STYXL1: variants seen among roughly 807,000 people sequenced by gnomAD.
STYXL1 encodes serine/threonine/tyrosine-interacting-like protein 1.
In STYXL1, 32 loss-of-function variants were observed where a neutral mutation model predicts 36.4. That is an observed-to-expected ratio of 0.88 (90% confidence interval 0.66 to 1.18). The LOEUF is 1.18. Ranked by LOEUF, STYXL1 falls within the 50% of genes most tolerant of loss-of-function variation. STYXL1 has a pLI of 0.00. For synonymous variants in STYXL1, 133 were observed against 144.1 expected (o/e 0.92, Z 0.55); for missense variants, 354 against 394.1 (o/e 0.90, Z 0.86).
intron 4 of STYXL1, among the ~76,000 whole-genome samples, chr7:76,017,981 A>G (rs1793609561): frequency 6.6e-6 from 1 of 151,656 alleles, no homozygotes; most frequent in South Asian, 2.1e-4. Flanking sequence ...GACTTTTAGT[A>G]TATTCAGAGT....
chr7:76,005,854 AGG>A lies in STYXL1; in HGVS notation c.454-452_454-451del, dbSNP rs1563467811. Among the ~76,000 whole-genome samples the A allele has an allele frequency of 2.8e-3, 67 of 23,984 alleles. 1 individual carries two copies. The highest frequency in any genetic ancestry group is 6.0e-3 in the Non-Finnish European group (58 of 9,702). 15.7% of individuals were successfully genotyped at this position (23,984 alleles called of 152,430 possible). ...AGAGAGAGGAGGAGGAAGAGAGAGG[AGG>A]AGAGAGGAGGAAGAGAGAGGAGGAG... On this transcript the variant is annotated intron_variant, in intron 5 of 8. Transcript: ENST00000359697.
chr7:76,037,970 T>G lies in STYXL1; in HGVS notation c.-4-7443A>C, dbSNP rs933681625. Among the ~76,000 whole-genome samples the G allele has an allele frequency of 6.0e-5, 9 of 150,242 alleles. No individual in the cohort carries two copies. In the East Asian group the frequency reaches 1.7e-3, roughly 29 times the overall value. Reference sequence around the variant, plus strand: ...ACCTGTAAGCTGAGATAATACACACTGGCAAAGCTATAGGATCATTCAAGA... The same window carrying G: ...ACCTGTAAGCTGAGATAATACACACGGGCAAAGCTATAGGATCATTCAAGA... On this transcript the variant is annotated intron_variant, in intron 1 of 8. Coordinates refer to ENST00000359697, the MANE Select transcript of STYXL1 (RefSeq NM_001317785.2).
intron 7 of STYXL1, among the ~76,000 whole-genome samples, chr7:76,003,496 C>G (rs1175745626): frequency 6.6e-6 from 1 of 152,204 alleles, no homozygotes; most frequent in African/African-American, 2.4e-5. Flanking sequence ...CAGAAGGGCA[C>G]AGCCATCTAG....
chr7:76,027,623 CA>C (rs1794867738), intron 3 of STYXL1, among the ~76,000 whole-genome samples: 1 of 151,214 alleles, frequency 6.6e-6, no homozygotes, highest in African/African-American at 2.4e-5. Context: ...TAAAAATTTA[CA>C]ACATAAAGCT....
chr7:76,039,867 A>C (rs1796313895), intron 1 of STYXL1, among the ~76,000 whole-genome samples: 1 of 151,942 alleles, frequency 6.6e-6, no homozygotes, highest in Admixed American at 6.6e-5. Context: ...GCTTAGTCTC[A>C]AACTCCCGAC....
chr7:76,031,228 G>A (rs1554579210), intron 1 of STYXL1, among the ~76,000 whole-genome samples: 2 of 144,138 alleles, frequency 1.4e-5, no homozygotes. Context: ...CTACTCGGGA[G>A]ACTGAGGCAA....
intron 1 of STYXL1, chr7:76,044,082 C>T (rs1796728263): frequency 6.6e-6 from 1 of 152,212 alleles, no homozygotes. Context: ...GTGCTTCATA[C>T]AGCAGCCAAT....
At chr7:76,031,074 T>C (rs1254141165) in intron 1 of STYXL1, among the ~76,000 whole-genome samples, 10 of 150,776 alleles carry the variant, frequency 6.6e-5, no homozygotes, top group African/African-American at 2.2e-4. Flanking sequence ...GGTAGGAGAG[T>C]CGCTTGAACC....
At chr7:76,011,525 A>G (rs1792550806) in intron 5 of STYXL1, among the ~76,000 whole-genome samples, 1 of 152,234 alleles carries the variant, frequency 6.6e-6, no homozygotes, top group Non-Finnish European at 1.5e-5. Context: ...TTTGTAACCA[A>G]AAGTGGCCAG....
At position 76,028,697 on chromosome 7, in the gene STYXL1, C is replaced by T. The variant is rs181545305; in HGVS notation, c.110G>A (p.Arg37His). The stretch of plus-strand genomic sequence containing the variant: ...GCTTTCGTCATACTCCCATTTGGAA[C>T]GGACATCTGGAAAGGAAACGTATTT... ...DPNYLCLLDV[R>H]SKWEYDESHV... Residue 37 changes from arginine to histidine, a missense_variant, in exon 3 of 9, where the codon CGT becomes CAT. Arg to His is a conservative substitution (Grantham distance 29). Coordinates refer to ENST00000359697, the MANE Select transcript of STYXL1 (RefSeq NM_001317785.2). The T allele has an allele frequency of 3.0e-5, 49 of 1,614,032 alleles. 1 individual carries two copies. In the Admixed American group the frequency reaches 5.8e-4, roughly 19 times the overall value.
At chr7:76,033,514 G>A (rs1386884733) in intron 1 of STYXL1, among the ~76,000 whole-genome samples, 7 of 152,134 alleles carry the variant, frequency 4.6e-5, no homozygotes, top group South Asian at 2.1e-4. Context: ...GGGGGATGGC[G>A]AAGGGGAGAA....
intron 4 of STYXL1, among the ~76,000 whole-genome samples, chr7:76,019,387 C>T (rs186374363): frequency 4.6e-5 from 7 of 151,818 alleles, no homozygotes; most frequent in African/African-American, 1.7e-4. Context: ...GCCTTGACCA[C>T]CTGGGCTCAA....
chr7:76,001,773 G>C (rs1321958784), intron 7 of STYXL1, among the ~76,000 whole-genome samples: 1 of 148,490 alleles, frequency 6.7e-6, no homozygotes, highest in Non-Finnish European at 1.5e-5. Context: ...GGGATTATAG[G>C]CATGAGCCAC....
chr7:76,046,325 TGTGTGTGTGTGTGTGCGCGCGC>T (rs1462543981), intron 1 of STYXL1, among the ~76,000 whole-genome samples: 797 of 18,784 alleles, frequency 0.042, 27 homozygotes, highest in Middle Eastern at 0.24. Flanking sequence ...TGTGTGTGTG[TGTGTGTGTGTGTGTGCGCGCGC>T]GCGCGCGCGC....
At chr7:76,047,032 C>T (rs1205514415) in intron 1 of STYXL1, among the ~76,000 whole-genome samples, 1 of 149,782 alleles carries the variant, frequency 6.7e-6, no homozygotes, top group East Asian at 2.1e-4. Flanking sequence ...GAGGCCGAGG[C>T]GGGTGGATCA....
At chr7:76,014,663 C>T (rs543417296) in intron 4 of STYXL1, among the ~76,000 whole-genome samples, 15 of 151,940 alleles carry the variant, frequency 9.9e-5, no homozygotes, top group Non-Finnish European at 4.4e-5. Flanking sequence ...TTCTTTTCTG[C>T]AAACTCTGAG....
At chr7:76,019,282 C>CTT (rs112308010) in intron 4 of STYXL1, among the ~76,000 whole-genome samples, 1 of 136,560 alleles carries the variant, frequency 7.3e-6, no homozygotes, top group East Asian at 2.1e-4. Context: ...CTGTTTTTTT[C>CTT]TTTTTTTTTT....
At chr7:76,021,597 T>A (rs1794081295) in intron 4 of STYXL1, among the ~76,000 whole-genome samples, 1 of 152,074 alleles carries the variant, frequency 6.6e-6, no homozygotes, top group Non-Finnish European at 1.5e-5. Flanking sequence ...TGACCCCAAC[T>A]TTCCAGTCCC....
At position 76,032,399 on chromosome 7, in the gene STYXL1, GAA is replaced by G. The variant is rs34141153; in HGVS notation, c.-4-1874_-4-1873del. 2.3e-5 allele frequency among the ~76,000 whole-genome samples: 3 copies of G among 132,372 alleles called. No individual in the cohort carries two copies. The East Asian group carries it at 6.6e-4, about 29-fold the overall frequency. 86.8% of individuals were successfully genotyped at this position (132,372 alleles called of 152,430 possible). A position where few individuals can be genotyped will look rare whatever the true frequency, so the allele number is the denominator to read the frequency against. On this transcript the variant is annotated intron_variant, in intron 1 of 8. Coordinates refer to ENST00000359697, the MANE Select transcript of STYXL1 (RefSeq NM_001317785.2). ...GGGCAACAGAGTGAGACCCTGTCTT[GAA>G]AAAAAAAAAAAAAGAAGGAGGAGGA...
Sources: allele counts gnomAD v4.1 joint callset (sites outside exome capture counted in the v4.1 genomes callset), GRCh38; gene constraint gnomAD v4.1.1; transcripts MANE v1.5; gene names NCBI Gene and HGNC (gene_info 2026-07-23, HGNC 2026-07-21).